Variants in HSDL1 observed in about 807,000 individuals in gnomAD.
The protein encoded by HSDL1 is inactive hydroxysteroid dehydrogenase-like protein 1.
Under a neutral mutation model 31.5 loss-of-function variants are expected in HSDL1, and 29 were observed. That is an observed-to-expected ratio of 0.92 (90% CI 0.69 to 1.26). The LOEUF is 1.26. Ranked by LOEUF, HSDL1 falls within the 50% of genes most tolerant of loss-of-function variation. The pLI, the probability that HSDL1 is intolerant of heterozygous loss-of-function variation, is 0.00. For synonymous variants in HSDL1, 222 were observed against 155.2 expected, an observed-to-expected ratio of 1.43 and a Z score of -3.20; for missense variants, 503 against 416.6, an observed-to-expected ratio of 1.21 and a Z score of -1.81.
chr16:84,125,465 A>AATCACAATAAATACCCACCAATCG (rs1260653252), intron 5 of HSDL1, among the ~76,000 whole-genome samples: 17 of 150,760 alleles, frequency 1.1e-4, no homozygotes, highest in African/African-American at 3.6e-4. Flanking sequence ...CCCACCAATC[A>AATCACAATAAATACCCACCAATCG]ATCACAATAA....
Position 84,129,970 on chromosome 16 carries a change from G to A in HSDL1, c.666+16C>T. ...TGTGGCATTAGGATTTCATCTTCCA[G>A]TAAGTAACATCTGACCTTAGAAGCA... On this transcript the variant is annotated intron_variant, in intron 4 of 5. Coordinates refer to ENST00000219439, the MANE Select transcript of HSDL1 (RefSeq NM_031463.5). The A allele has an allele frequency of 6.2e-7, 1 of 1,602,818 alleles. No homozygotes were observed. The highest frequency in any genetic ancestry group is 2.2e-5 in the East Asian group (1 of 44,760).
At chr16:84,144,242 T>C (rs12926924) in intron 1 of HSDL1, 34,554 of 152,028 alleles carry the variant, frequency 0.23, 4,225 homozygotes, top group South Asian at 0.29. Context: ...TTGAGTCTTA[T>C]AGATGTAAAG....
chr16:84,131,045 C>T (rs2086659146), intron 3 of HSDL1, 57 bp downstream of exon 3: 1 of 1,369,038 alleles, frequency 7.3e-7, no homozygotes. Context: ...TCAATAGCTC[C>T]TTGAATAATG....
At chr16:84,137,688 C>T (rs74032833) in intron 1 of HSDL1, among the ~76,000 whole-genome samples, 9,219 of 152,272 alleles carry the variant, frequency 0.061, 917 homozygotes, top group African/African-American at 0.21. Flanking sequence ...TCATTCCCTG[C>T]TCTCAATCTT....
chr16:84,132,150 T>G (rs1473897479), intron 2 of HSDL1, among the ~76,000 whole-genome samples: 2 of 152,260 alleles, frequency 1.3e-5, no homozygotes, highest in Admixed American at 1.3e-4. Flanking sequence ...TCTGTGCCTG[T>G]AACATGCTCC....
chr16:84,132,838 C>T (rs547193017), intron 2 of HSDL1, among the ~76,000 whole-genome samples: 1 of 152,214 alleles, frequency 6.6e-6, no homozygotes, highest in South Asian at 2.1e-4. Context: ...CAATAGACTA[C>T]ACTTATATTA....
intron 4 of HSDL1, 80 bp from the exon 5 acceptor site, chr16:84,129,855 A>G (rs1378635676): frequency 1.4e-6 from 2 of 1,433,336 alleles, no homozygotes; most frequent in East Asian, 2.3e-5. Context: ...CTTGCTTATT[A>G]TCAATTCAGG....
chr16:84,145,013 G>A (rs554623743), intron 1 of HSDL1, 67 bp downstream of exon 1: 2 of 152,892 alleles, frequency 1.3e-5, no homozygotes, highest in Non-Finnish European at 2.9e-5. Flanking sequence ...TGGCGCTGAG[G>A]GGACCGAGGA....
chr16:84,136,020 T>G (rs1056142585), intron 1 of HSDL1, among the ~76,000 whole-genome samples: 4 of 152,248 alleles, frequency 2.6e-5, no homozygotes, highest in African/African-American at 9.6e-5. Context: ...GGTGCCTGTC[T>G]GGGTTTCACC....
At chr16:84,139,904 A>C (rs576818283) in intron 1 of HSDL1, among the ~76,000 whole-genome samples, 1 of 152,294 alleles carries the variant, frequency 6.6e-6, no homozygotes, top group Non-Finnish European at 1.5e-5. Flanking sequence ...ATTTTTCCAA[A>C]TAAATCTTAA....
chr16:84,129,251 G>C (rs112713248), intron 5 of HSDL1, among the ~76,000 whole-genome samples: 2 of 152,034 alleles, frequency 1.3e-5, no homozygotes, highest in African/African-American at 4.8e-5. Flanking sequence ...GTGGTGGCAG[G>C]TGCCTGTAGT....
At position 84,130,280 on chromosome 16, in the gene HSDL1, C is replaced by T. The variant is rs777936799; in HGVS notation, c.372G>A (p.Ala124=). The change falls in exon 4 of 6, where the codon GCG becomes GCA. Residue 124 remains alanine (A), a synonymous_variant. Coordinates refer to ENST00000219439, the MANE Select transcript of HSDL1 (RefSeq NM_031463.5). Reference sequence around the variant, plus strand: ...AGATCTCACGACCGCTGCTGAAGTCCGCAACTATAATATCAGTTTCCACTT... The same window carrying T: ...AGATCTCACGACCGCTGCTGAAGTCTGCAACTATAATATCAGTTTCCACTT... ...TYKVETDIIV[A]DFSSGREIYL... The T allele has an allele frequency of 7.4e-6, 12 of 1,614,006 alleles. No individual in the cohort carries two copies. The African/African-American group carries it at 8.0e-5, about 11-fold the overall frequency.
At chr16:84,140,971 G>C (rs201198147) in intron 1 of HSDL1, among the ~76,000 whole-genome samples, 2 of 151,604 alleles carry the variant, frequency 1.3e-5, no homozygotes, top group South Asian at 4.1e-4. Context: ...GGCGCCTGTA[G>C]TCCCAGCTAC....
Position 84,129,761 on chromosome 16 carries a change from G to C in HSDL1, c.681C>G (p.His227Gln), listed in dbSNP as rs2086644172. The C allele has an allele frequency of 6.2e-7, 1 of 1,613,662 alleles. No homozygotes were observed. Among genetic ancestry groups the C allele is most frequent in the South Asian group, 1.1e-5 (1 of 91,086 alleles). ...ATTCATATTGCAAGGCTCTGCTGAA[G>C]TGGTCTAAATAAGCCTGTTGAGACA... ...AFSASKAYLD[H>Q]FSRALQYEYA... Residue 227 changes from histidine (H) to glutamine (Q), a missense_variant, in exon 5 of 6, where the codon CAC (histidine) becomes CAG (glutamine). Transcript: ENST00000219439.
intron 1 of HSDL1, among the ~76,000 whole-genome samples, chr16:84,137,929 C>A (rs979076510): frequency 6.6e-6 from 1 of 152,182 alleles, no homozygotes; most frequent in Non-Finnish European, 1.5e-5. Context: ...GCTTGATTAG[C>A]GAAAGCTATT....
chr16:84,135,382 T>C (rs2086703196), intron 2 of HSDL1, among the ~76,000 whole-genome samples, 162 bp downstream of exon 2: 2 of 152,284 alleles, frequency 1.3e-5, no homozygotes, highest in African/African-American at 2.4e-5. Flanking sequence ...AGGTCAGGCA[T>C]GCCTCATGGA....
At chr16:84,126,756 G>C (rs114712391) in intron 5 of HSDL1, among the ~76,000 whole-genome samples, 161 of 151,492 alleles carry the variant, frequency 1.1e-3, no homozygotes, top group African/African-American at 3.6e-3. Flanking sequence ...ACACACTCAC[G>C]CACTTTGTGA....
intron 5 of HSDL1, among the ~76,000 whole-genome samples, chr16:84,127,301 C>G (rs945255295): frequency 6.6e-6 from 1 of 150,802 alleles, no homozygotes; most frequent in Non-Finnish European, 1.5e-5. Flanking sequence ...CTGCCACCTC[C>G]GCATCCTGGG....
At chr16:84,142,430 CTTTTTTTTTT>C (rs34954052) in intron 1 of HSDL1, among the ~76,000 whole-genome samples, 2 of 81,410 alleles carry the variant, frequency 2.5e-5, no homozygotes, top group African/African-American at 5.5e-5. Flanking sequence ...TCTCACACAT[CTTTTTTTTTT>C]TTTTTTTTTT....
Sources: allele counts gnomAD v4.1 joint callset (sites outside exome capture counted in the v4.1 genomes callset), GRCh38; gene constraint gnomAD v4.1.1; transcripts MANE v1.5; gene names NCBI Gene and HGNC (gene_info 2026-07-23, HGNC 2026-07-21).